SERPINB6: variants seen among roughly 807,000 people sequenced by gnomAD.
SERPINB6 encodes the protein serpin family B member 6.
In SERPINB6, 16 loss-of-function variants were observed where a neutral mutation model predicts 26.1. The observed-to-expected ratio is 0.61, with a 90% CI of 0.42 to 0.93. The LOEUF (loss-of-function observed/expected upper bound fraction) is 0.93. Among genes scored for constraint, SERPINB6 ranks in the 40% least tolerant of loss-of-function variants. The pLI is 0.00. For missense variants in SERPINB6, 420 were observed against 478.0 expected (o/e 0.88, Z 1.13); for synonymous variants, 174 against 176.6 (o/e 0.99, Z 0.11).
chr6:2,962,448 T>C (rs1198498195), intron 1 of SERPINB6, among the ~76,000 whole-genome samples: 3 of 152,240 alleles, frequency 2.0e-5, no homozygotes, highest in African/African-American at 7.2e-5. Context: ...GTCCTGGCTC[T>C]GGTACCCTGG....
chr6:2,959,864 C>T, intron 1 of SERPINB6: 1 of 196,002 alleles, frequency 5.1e-6, no homozygotes, highest in Non-Finnish European at 1.1e-5. Flanking sequence ...AAGCCACATA[C>T]AAAGATGCGT....
rs555587099 is a variant in SERPINB6 at position 2,970,590 on chromosome 6, C to T, written c.-11+943G>A. 112 of 1,216,154 alleles carry T rather than the reference C, an allele frequency of 9.2e-5. No homozygotes were observed. In the African/African-American group the frequency reaches 1.5e-3, roughly 16 times the overall value. The allele number at this position is 1,216,154 out of a possible 1,614,324, so 75.3% of individuals were successfully genotyped here. Reference sequence around the variant, plus strand: ...GCAGCTGCAGGGCTGTCATTAGGCACGAGAGCATCCCAGAAAGCAAAAGTG... The same window carrying T: ...GCAGCTGCAGGGCTGTCATTAGGCATGAGAGCATCCCAGAAAGCAAAAGTG... On this transcript the variant is annotated intron_variant, in intron 1 of 6. Coordinates refer to ENST00000380539, the MANE Select transcript of SERPINB6 (RefSeq NM_004568.6).
intron 2 of SERPINB6, chr6:2,958,281 A>C (rs1770709533): frequency 6.6e-6 from 1 of 152,396 alleles, no homozygotes; most frequent in South Asian, 2.1e-4. Flanking sequence ...AACCCTGCCT[A>C]CACCTGGATC....
chr6:2,948,499 C>CA lies in SERPINB6; in HGVS notation c.929dup (p.Ser311ValfsTer15). ...ACTTGTGCACGACCTTGGACAGAGACAGGTCTGTCTGGGACATTCCAGAGA... is the reference window on the plus strand; with the variant it reads ...ACTTGTGCACGACCTTGGACAGAGACAAGGTCTGTCTGGGACATTCCAGAGA... On this transcript the variant is annotated frameshift_variant, in exon 7 of 7. Transcript: ENST00000380539. LOFTEE classifies it low-confidence loss of function (END_TRUNC). The surrounding 1 kb of genome is among the most constrained non-coding windows in gnomAD (Gnocchi z 5.0). 2 of 1,614,138 alleles carry CA rather than the reference C, an allele frequency of 1.2e-6. No individual in the cohort carries two copies. Among genetic ancestry groups the CA allele is most frequent in the South Asian group, 2.2e-5 (2 of 91,078 alleles).
At chr6:2,960,384 G>C (rs1216220696) in intron 1 of SERPINB6, 2 of 147,434 alleles carry the variant, frequency 1.4e-5, no homozygotes, top group Non-Finnish European at 3.1e-5. Context: ...AGAATCTGCA[G>C]AATCAGGTGA....
Position 2,948,489 on chromosome 6 carries a change from T to C in SERPINB6, c.940A>G (p.Lys314Glu), listed in dbSNP as rs1408198187. ...TCCACAAAAGACTTGTGCACGACCT[T>C]GGACAGAGACAGGTCTGTCTGGGAC... ...GMSQTDLSLS[K>E]VVHKSFVEVN... The change falls in exon 7 of 7, where the codon AAG becomes GAG. Residue 314 changes from lysine (K) to glutamate (E), a missense_variant. Transcript: ENST00000380539. This position sits in a 1 kb window ranked among gnomAD's most constrained non-coding sequence, Gnocchi z 5.0. The C allele has an allele frequency of 1.9e-6, 3 of 1,614,164 alleles. No homozygotes were observed. The highest frequency in any genetic ancestry group is 3.3e-5 in the Admixed American group (2 of 60,022).
intron 2 of SERPINB6, chr6:2,956,683 T>A (rs1439942405): frequency 3.3e-5 from 5 of 152,152 alleles, no homozygotes; most frequent in African/African-American, 1.2e-4. Context: ...TAGCCTGGCG[T>A]GGTGGTGCAT....
At chr6:2,962,479 T>C (rs1489666264) in intron 1 of SERPINB6, among the ~76,000 whole-genome samples, 2 of 152,218 alleles carry the variant, frequency 1.3e-5, no homozygotes, top group East Asian at 3.8e-4. Flanking sequence ...GGACTCCTGA[T>C]ACCAGTTTCC....
In SERPINB6 at chr6:2,948,433, G is replaced by A. The variant is rs147792064; in HGVS notation, c.996C>T (p.Ala332=). ...EVNEEGTEAA[A]ATAAIMMMRC... is the part of the protein sequence containing the mutation. ...GCATCATCATGATGGCAGCTGTGGC[G>A]GCTGCAGCCTCCGTGCCTTCCTCAT... is the stretch of plus-strand genomic sequence containing the variant. The change falls in exon 7 of 7, where the codon GCC becomes GCT. Residue 332 remains alanine (A), a synonymous_variant. Transcript: ENST00000380539. This position sits in a 1 kb window ranked among gnomAD's most constrained non-coding sequence, Gnocchi z 5.0. 3.8e-4 allele frequency: 610 copies of A among 1,614,056 alleles called. 2 individuals carry two copies. The highest frequency in any genetic ancestry group is 1.1e-4 in the South Asian group (10 of 91,088).
chr6:2,970,944 G>A (rs986497971), intron 1 of SERPINB6: 1 of 1,228,506 alleles, frequency 8.1e-7, no homozygotes, highest in Non-Finnish European at 1.0e-6. Context: ...AGCACGGCCA[G>A]TCCAGTGAAC....
chr6:2,971,125 C>G (rs1313088508), intron 1 of SERPINB6: 1 of 1,047,900 alleles, frequency 9.5e-7, no homozygotes, highest in Non-Finnish European at 1.1e-6. Flanking sequence ...ACCTGTGGCC[C>G]GGGAGGCTCT....
chr6:2,969,810 A>C (rs974079074), intron 1 of SERPINB6: 1 of 982,646 alleles, frequency 1.0e-6, no homozygotes, highest in African/African-American at 1.8e-5. Flanking sequence ...TGTTTAATAT[A>C]TCTGAGCAGC....
At chr6:2,949,739 C>T (rs1769565906) in intron 5 of SERPINB6, among the ~76,000 whole-genome samples, 1 of 152,192 alleles carries the variant, frequency 6.6e-6, no homozygotes, top group Non-Finnish European at 1.5e-5. Context: ...TAAGGCAGAT[C>T]ACATTGTTCT....
intron 5 of SERPINB6, among the ~76,000 whole-genome samples, chr6:2,951,388 G>GAA (rs367951075): frequency 8.1e-5 from 7 of 86,298 alleles, no homozygotes; most frequent in Admixed American, 1.4e-4. Context: ...CTCTGTCTTG[G>GAA]AAAAAATAAA....
chr6:2,955,517 G>A lies in SERPINB6; in HGVS notation c.312+7C>T. On this transcript the variant is annotated splice_region_variant and intron_variant, in intron 3 of 6. Transcript: ENST00000380539. The stretch of plus-strand genomic sequence containing the variant: ...TTCTTTAGTGAATAAGAGCAAGTAT[G>A]ACTTACTGAGAGGAAATCACAAGAC... 2 of 1,614,174 alleles carry A rather than the reference G, an allele frequency of 1.2e-6. No homozygotes were observed. The highest frequency in any genetic ancestry group is 1.7e-6 in the Non-Finnish European group (2 of 1,180,032).
At position 2,964,269 on chromosome 6, in the gene SERPINB6, A is replaced by G. The variant is rs533459409; in HGVS notation, c.-10-4927T>C. Among the ~76,000 whole-genome samples, 33 of 152,376 alleles carry G rather than the reference A, an allele frequency of 2.2e-4. 1 individual carries two copies. Among genetic ancestry groups the G allele is most frequent in the South Asian group, 1.0e-3 (5 of 4,832 alleles). On this transcript the variant is annotated intron_variant, in intron 1 of 6. Coordinates refer to ENST00000380539, the MANE Select transcript of SERPINB6 (RefSeq NM_004568.6). Reference sequence around the variant, plus strand: ...AACATTCATACTATCTGAATTAAAAATTCCACTTCTAGGAATTTCACTGAA... The same window carrying G: ...AACATTCATACTATCTGAATTAAAAGTTCCACTTCTAGGAATTTCACTGAA...
rs146672242 is a variant in SERPINB6 at position 2,954,988 on chromosome 6, G to A, written c.313-279C>T. ...GTGGATCGTGTGAGCTCAGGAGTTCGAGACCAGCCTGGCCAACATGGCGAA... is the reference window on the plus strand; with the variant it reads ...GTGGATCGTGTGAGCTCAGGAGTTCAAGACCAGCCTGGCCAACATGGCGAA... On this transcript the variant is annotated intron_variant, in intron 3 of 6. Transcript: ENST00000380539. The A allele has an allele frequency of 4.4e-3, 1,722 of 392,838 alleles. 30 individuals are homozygous for A. The highest frequency in any genetic ancestry group is 0.032 in the African/African-American group (1,592 of 49,138). The allele number at this position is 392,838 out of a possible 1,614,324, so 24.3% of individuals were successfully genotyped here.
intron 2 of SERPINB6, among the ~76,000 whole-genome samples, chr6:2,958,452 C>T (rs551666852): frequency 6.6e-6 from 1 of 152,286 alleles, no homozygotes; most frequent in African/African-American, 2.4e-5. Flanking sequence ...AGGACACAGG[C>T]GGGGACGTGA....
rs139985696 is a variant in SERPINB6 at position 2,948,180 on chromosome 6, G to A, written c.*118C>T. ...GGAGTGAATGCGGCATCCCACAAAT[G>A]GGCCCTTTATTTCTGAACTGCCACC... On this transcript the variant is annotated 3_prime_UTR_variant, in exon 7 of 7. Coordinates refer to ENST00000380539, the MANE Select transcript of SERPINB6 (RefSeq NM_004568.6). This position sits in a 1 kb window ranked among gnomAD's most constrained non-coding sequence, Gnocchi z 5.0. 2.6e-4 allele frequency: 296 copies of A among 1,121,448 alleles called. 1 individual carries two copies. In the African/African-American group the frequency reaches 4.0e-3, roughly 15 times the overall value. The allele number at this position is 1,121,448 out of a possible 1,614,324, so 69.5% of individuals were successfully genotyped here.
Sources: gnomAD v4.1 joint callset for allele counts (sites outside exome capture counted in the v4.1 genomes callset) on GRCh38, gnomAD v4.1.1 for gene constraint, Gnocchi (gnomAD v3.1) non-coding constraint, MANE v1.5 for transcripts, NCBI Gene and HGNC (gene_info 2026-07-23, HGNC 2026-07-21) for gene names.